Variants in PRTG observed in about 807,000 individuals in gnomAD.
The protein encoded by PRTG is immunoglobulin superfamily, DCC subclass, member 5.
A neutral mutation model predicts 122.5 loss-of-function variants in PRTG; 67 were observed. The observed-to-expected ratio is 0.55, with a 90% CI of 0.45 to 0.67. The LOEUF is 0.67. Ranked by LOEUF, PRTG falls within the 30% of genes least tolerant of loss-of-function variation. The pLI is 0.00. For missense variants in PRTG, 1,435 were observed against 1,415.4 expected, an observed-to-expected ratio of 1.01 and a Z score of -0.22; for synonymous variants, 554 against 501.1, an observed-to-expected ratio of 1.11 and a Z score of -1.41.
At chr15:55,620,593 T>A (rs1338820762) in intron 19 of PRTG, 70 bp downstream of exon 19, 2 of 1,521,930 alleles carry the variant, frequency 1.3e-6, no homozygotes, top group South Asian at 2.6e-5. Context: ...GAATTCACAT[T>A]TTCCTCTTTT....
chr15:55,635,659 C>G (rs1221091245), intron 15 of PRTG, among the ~76,000 whole-genome samples: 2 of 152,168 alleles, frequency 1.3e-5, no homozygotes, highest in Non-Finnish European at 2.9e-5. Flanking sequence ...AGTGGGGCTT[C>G]CGCTTAATGA....
intron 2 of PRTG, among the ~76,000 whole-genome samples, chr15:55,706,448 G>A (rs892326100): frequency 6.6e-6 from 1 of 151,832 alleles, no homozygotes; most frequent in Non-Finnish European, 1.5e-5. Flanking sequence ...GGGAATTTGG[G>A]GTATGGGCAG....
At chr15:55,651,291 C>G (rs1418409694) in intron 11 of PRTG, among the ~76,000 whole-genome samples, 1 of 151,912 alleles carries the variant, frequency 6.6e-6, no homozygotes, top group Non-Finnish European at 1.5e-5. Flanking sequence ...TACATACATT[C>G]AACCTACGCA....
intron 2 of PRTG, among the ~76,000 whole-genome samples, chr15:55,728,355 T>A (rs1396861483): frequency 6.6e-6 from 1 of 151,986 alleles, no homozygotes; most frequent in Non-Finnish European, 1.5e-5. Context: ...GGATGCAAAA[T>A]CTCAGCAAAC....
At chr15:55,707,437 C>A (rs1045097857) in intron 2 of PRTG, among the ~76,000 whole-genome samples, 14 of 152,210 alleles carry the variant, frequency 9.2e-5, no homozygotes, top group African/African-American at 3.4e-4. Flanking sequence ...TGTTAAAGGT[C>A]TTTGAATTGC....
rs537112426 is a variant in PRTG at position 55,651,144 on chromosome 15, A to C, written c.2042-9936T>G. 3.3e-5 allele frequency among the ~76,000 whole-genome samples: 5 copies of C among 152,254 alleles called. No homozygotes were observed. The South Asian group carries it at 1.0e-3, about 32-fold the overall frequency. On this transcript the variant is annotated intron_variant, in intron 11 of 19. Transcript: ENST00000389286. ...TTTGAGAAATCAGATAGCAAATAGT[A>C]AGAGTATGTGTAAAAGAGTACCTTC...
intron 2 of PRTG, among the ~76,000 whole-genome samples, chr15:55,739,603 T>A (rs566911159): frequency 3.3e-5 from 5 of 152,296 alleles, no homozygotes; most frequent in African/African-American, 1.2e-4. Context: ...CTGAAAAAGA[T>A]GTAAAGCCTC....
chr15:55,716,041 TA>T (rs1403391424), intron 2 of PRTG, among the ~76,000 whole-genome samples: 27 of 152,286 alleles, frequency 1.8e-4, no homozygotes, highest in African/African-American at 5.8e-4. Flanking sequence ...TCCTTGAAAA[TA>T]AAAGTTACTT....
At chr15:55,724,111 G>A (rs931823582) in intron 2 of PRTG, among the ~76,000 whole-genome samples, 3 of 152,006 alleles carry the variant, frequency 2.0e-5, no homozygotes, top group South Asian at 2.1e-4. Flanking sequence ...GTTCTATTCC[G>A]GAGAACGTTT....
chr15:55,659,192 T>C (rs2059396127), intron 11 of PRTG, among the ~76,000 whole-genome samples: 1 of 152,160 alleles, frequency 6.6e-6, no homozygotes, highest in African/African-American at 2.4e-5. Flanking sequence ...CTTCTAAACA[T>C]CTCAAAATGG....
At chr15:55,740,706 A>C in intron 1 of PRTG, 22 bp from the exon 2 acceptor site, 1 of 1,583,010 alleles carries the variant, frequency 6.3e-7, no homozygotes, top group Non-Finnish European at 8.6e-7. Context: ...AAAAAGGAGA[A>C]CGGCACATCC....
Position 55,683,934 on chromosome 15 carries a change from A to T in PRTG, c.398-3T>A. The T allele has an allele frequency of 6.2e-7, 1 of 1,612,146 alleles. No individual in the cohort carries two copies. Among genetic ancestry groups the T allele is most frequent in the Non-Finnish European group, 8.5e-7 (1 of 1,178,644 alleles). On this transcript the variant is annotated splice_region_variant and splice_polypyrimidine_tract_variant and intron_variant, in intron 2 of 19. Coordinates refer to ENST00000389286, the MANE Select transcript of PRTG (RefSeq NM_173814.6). ...CTGGACTTCAAATGCAGAAATAGCT[A>T]TAAGATAAAGTTTGAGAAATTCAGA...
intron 2 of PRTG, among the ~76,000 whole-genome samples, chr15:55,700,882 G>A (rs777857016): frequency 2.6e-5 from 4 of 152,072 alleles, no homozygotes; most frequent in Non-Finnish European, 5.9e-5. Context: ...ATCACATACT[G>A]ACAAAAGTTC....
chr15:55,739,675 C>G (rs2031548842), intron 2 of PRTG, among the ~76,000 whole-genome samples: 1 of 152,160 alleles, frequency 6.6e-6, no homozygotes, highest in African/African-American at 2.4e-5. Flanking sequence ...AGTTACAGGT[C>G]AACCACCAAG....
chr15:55,644,896 G>C (rs1031860503), intron 11 of PRTG, among the ~76,000 whole-genome samples: 1 of 152,220 alleles, frequency 6.6e-6, no homozygotes, highest in East Asian at 1.9e-4. Context: ...TTTTTCATAA[G>C]TGAACTACTC....
chr15:55,641,238 G>T, intron 11 of PRTG, 30 bp from the exon 12 acceptor site: 1 of 1,509,912 alleles, frequency 6.6e-7, no homozygotes, highest in African/African-American at 1.4e-5. Flanking sequence ...AAATAATTAG[G>T]ACCAGGTCTC....
chr15:55,613,390 A>G lies in PRTG; in HGVS notation c.*6622T>C, dbSNP rs2059129041. Reference sequence around the variant, plus strand: ...AATATGGGAGCTACAGAAAATTACAAAAGATAAAATGCAATTCTGAAGACA... The same window carrying G: ...AATATGGGAGCTACAGAAAATTACAGAAGATAAAATGCAATTCTGAAGACA... On this transcript the variant is annotated 3_prime_UTR_variant, in exon 20 of 20. Coordinates refer to ENST00000389286, the MANE Select transcript of PRTG (RefSeq NM_173814.6). The G allele has an allele frequency of 6.6e-6, 1 of 152,158 alleles. No homozygotes were observed. The allele number at this position is 152,158 out of a possible 1,614,324, so 9.4% of individuals were successfully genotyped here.
At chr15:55,634,633 G>A (rs1286692100) in intron 15 of PRTG, among the ~76,000 whole-genome samples, 3 of 152,086 alleles carry the variant, frequency 2.0e-5, no homozygotes, top group Non-Finnish European at 4.4e-5. Flanking sequence ...CTGAGCTCAG[G>A]AGTTCGAGAC....
At chr15:55,708,148 T>TAAAAAAAAAAAAAAAAAAAAAAAA (rs35216342) in intron 2 of PRTG, among the ~76,000 whole-genome samples, 1 of 70,040 alleles carries the variant, frequency 1.4e-5, no homozygotes, top group African/African-American at 6.3e-5. Flanking sequence ...AGTAAGCTGG[T>TAAAAAAAAAAAAAAAAAAAAAAAA]AAAAAAAAAA....
Sources: allele counts gnomAD v4.1 joint callset (sites outside exome capture counted in the v4.1 genomes callset), GRCh38; gene constraint gnomAD v4.1.1; transcripts MANE v1.5; gene names NCBI Gene and HGNC (gene_info 2026-07-23, HGNC 2026-07-21).